Variants in ROBO2 observed in about 807,000 individuals in gnomAD.
ROBO2 encodes roundabout guidance receptor 2, also known as roundabout homolog 2.
ROBO2 carries 53 observed loss-of-function variants against 160.8 expected under a neutral mutation model. The ratio of observed to expected loss-of-function variants is 0.33; its 90% CI spans 0.26 to 0.41. The LOEUF (loss-of-function observed/expected upper bound fraction) is 0.41, where lower values mean the gene tolerates loss of function less well. Among genes scored for constraint, ROBO2 ranks in the 10% least tolerant of loss-of-function variants. ROBO2 has a pLI of 1.00. For synonymous variants in ROBO2, 664 were observed against 611.7 expected, an observed-to-expected ratio of 1.09 and a Z score of -1.26; for missense variants, 1,577 against 1,722.4, an observed-to-expected ratio of 0.92 and a Z score of 1.49.
In ROBO2 at chr3:77,538,170, C is replaced by CTTTT. The variant is rs59409802; in HGVS notation, c.935-8145_935-8142dup. ...GGTAATTTAGCAATTTGATCATTTACTTTTTTTTTTTTTTTTTTTTTTTTT... is the reference window on the plus strand; with the variant it reads ...GGTAATTTAGCAATTTGATCATTTACTTTTTTTTTTTTTTTTTTTTTTTTTTTTT... On this transcript the variant is annotated intron_variant, in intron 6 of 25. Coordinates refer to ENST00000461745, the Ensembl canonical transcript of ROBO2. Among the ~76,000 whole-genome samples, 411 of 102,468 alleles carry CTTTT rather than the reference C, an allele frequency of 4.0e-3. 43 individuals are homozygous for CTTTT. The highest frequency in any genetic ancestry group is 9.4e-3 in the African/African-American group (240 of 25,410). The allele number at this position is 102,468 out of a possible 152,430, so 67.2% of individuals were successfully genotyped here.
intron 2 of ROBO2, among the ~76,000 whole-genome samples, chr3:76,040,756 G>C (rs1446988167): frequency 6.6e-6 from 1 of 152,068 alleles, no homozygotes; most frequent in Non-Finnish European, 1.5e-5. Context: ...GGGAGGCCAA[G>C]GAGGGTGGAT....
chr3:76,926,507 T>C (rs949671310), intron 2 of ROBO2, among the ~76,000 whole-genome samples: 2 of 152,224 alleles, frequency 1.3e-5, no homozygotes, highest in African/African-American at 4.8e-5. Flanking sequence ...TGTGGAAGTA[T>C]ATCGTCTCCT....
At chr3:76,974,870 TA>T (rs1448998360) in intron 2 of ROBO2, among the ~76,000 whole-genome samples, 1 of 152,126 alleles carries the variant, frequency 6.6e-6, no homozygotes, top group African/African-American at 2.4e-5. Flanking sequence ...GCAAAAGTAG[TA>T]AACAGCTTAC....
chr3:76,018,780 G>T (rs1219314405), intron 2 of ROBO2, among the ~76,000 whole-genome samples: 4 of 151,094 alleles, frequency 2.6e-5, no homozygotes, highest in African/African-American at 9.7e-5. Context: ...CTTGGAATTG[G>T]CTAATATTTG....
chr3:76,932,655 G>T (rs908593241), intron 2 of ROBO2, among the ~76,000 whole-genome samples: 4 of 152,064 alleles, frequency 2.6e-5, no homozygotes, highest in African/African-American at 7.2e-5. Context: ...TTTAAATCAT[G>T]ATGTTATTTT....
intron 2 of ROBO2, among the ~76,000 whole-genome samples, chr3:77,452,170 G>C (rs1344706751): frequency 1.3e-5 from 2 of 152,020 alleles, no homozygotes; most frequent in Non-Finnish European, 2.9e-5. Context: ...AATTTTGAAA[G>C]TTGATTCATA....
chr3:77,123,133 T>A (rs1346845260), intron 2 of ROBO2, among the ~76,000 whole-genome samples: 4 of 152,188 alleles, frequency 2.6e-5, no homozygotes, highest in African/African-American at 4.8e-5. Flanking sequence ...TCCACAACAA[T>A]GTTAATCAGT....
At chr3:76,386,323 C>CTCCT (rs2076880640) in intron 2 of ROBO2, among the ~76,000 whole-genome samples, 1 of 133,334 alleles carries the variant, frequency 7.5e-6, no homozygotes, top group Non-Finnish European at 1.5e-5. Flanking sequence ...CTTTCCTTCC[C>CTCCT]TCCTTCCCTC....
intron 2 of ROBO2, among the ~76,000 whole-genome samples, chr3:76,220,993 G>C (rs1156697782): frequency 6.6e-6 from 1 of 152,126 alleles, no homozygotes; most frequent in African/African-American, 2.4e-5. Flanking sequence ...TTTTAGTTTT[G>C]CATTGAGCTT....
At chr3:76,815,371 T>A (rs1302563957) in intron 2 of ROBO2, among the ~76,000 whole-genome samples, 1 of 151,800 alleles carries the variant, frequency 6.6e-6, no homozygotes, top group Non-Finnish European at 1.5e-5. Context: ...ATTTTAAACC[T>A]AATTGTGCAC....
intron 2 of ROBO2, among the ~76,000 whole-genome samples, chr3:76,632,830 C>T (rs2090107658): frequency 6.6e-6 from 1 of 152,148 alleles, no homozygotes; most frequent in Non-Finnish European, 1.5e-5. Context: ...TAGAATGATC[C>T]ATCTCCTCAT....
At chr3:76,658,111 A>C in intron 2 of ROBO2, among the ~76,000 whole-genome samples, 1 of 145,826 alleles carries the variant, frequency 6.9e-6, no homozygotes, top group African/African-American at 2.5e-5. Context: ...TAAATAAATA[A>C]ATAAAATATG....
intron 2 of ROBO2, among the ~76,000 whole-genome samples, chr3:76,061,825 C>T (rs540816828): frequency 2.0e-5 from 3 of 152,230 alleles, no homozygotes; most frequent in African/African-American, 7.2e-5. Flanking sequence ...GACTGAATTC[C>T]TTTCTGGAGG....
chr3:77,648,026 A>G (rs1289508277), exon 26 of ROBO2: 1 of 152,116 alleles, frequency 6.6e-6, no homozygotes, highest in Non-Finnish European at 1.5e-5. Flanking sequence ...TGAAGAGAAA[A>G]AGAATTCTGA....
intron 2 of ROBO2, among the ~76,000 whole-genome samples, chr3:77,219,000 C>T (rs947407044): frequency 6.6e-6 from 1 of 152,082 alleles, no homozygotes; most frequent in Non-Finnish European, 1.5e-5. Flanking sequence ...TGGAGTCTTG[C>T]TCTTGTCTCC....
At chr3:76,375,119 A>G (rs1050454780) in intron 2 of ROBO2, among the ~76,000 whole-genome samples, 2 of 151,940 alleles carry the variant, frequency 1.3e-5, no homozygotes, top group African/African-American at 4.8e-5. Context: ...GAAATTCTCT[A>G]TAAAGGAGTT....
chr3:77,565,017 A>G (rs779967972), exon 12 of ROBO2: 1 of 1,613,592 alleles, frequency 6.2e-7, no homozygotes, highest in Non-Finnish European at 8.5e-7. Flanking sequence ...TCTATACTGT[A>G]AGAGGACTGC....
At chr3:77,181,136 G>A (rs572177791) in intron 2 of ROBO2, among the ~76,000 whole-genome samples, 1 of 152,010 alleles carries the variant, frequency 6.6e-6, no homozygotes, top group African/African-American at 2.4e-5. Context: ...AGTGCTTAAT[G>A]CTTCCCACCT....
At chr3:76,784,287 C>A (rs1225281494) in intron 2 of ROBO2, among the ~76,000 whole-genome samples, 1 of 151,114 alleles carries the variant, frequency 6.6e-6, no homozygotes, top group Non-Finnish European at 1.5e-5. Context: ...GTCAACCTGA[C>A]TAGAGGGATT....
Sources: gnomAD v4.1 joint callset for allele counts (sites outside exome capture counted in the v4.1 genomes callset) on GRCh38, gnomAD v4.1.1 for gene constraint, MANE v1.5 for transcripts, NCBI Gene and HGNC (gene_info 2026-07-23, HGNC 2026-07-21) for gene names.